Variants in IMMP2L observed in about 807,000 individuals in gnomAD.
IMMP2L encodes inner mitochondrial membrane peptidase subunit 2, also known as mitochondrial inner membrane protease subunit 2.
Under a neutral mutation model 19.3 loss-of-function variants are expected in IMMP2L, and 18 were observed. The observed-to-expected ratio is 0.93, with a 90% CI of 0.64 to 1.38. The LOEUF is 1.38. Among genes scored for constraint, IMMP2L ranks in the 40% most tolerant of loss-of-function variants. IMMP2L has a pLI of 0.00. For synonymous variants in IMMP2L, 76 were observed against 73.0 expected (o/e 1.04, Z -0.21); for missense variants, 233 against 218.2 (o/e 1.07, Z -0.43).
At chr7:111,298,062 CTT>C (rs1821818706) in intron 3 of IMMP2L, among the ~76,000 whole-genome samples, 1 of 152,016 alleles carries the variant, frequency 6.6e-6, no homozygotes, top group African/African-American at 2.4e-5. Flanking sequence ...TATATTATAA[CTT>C]AATAAAGTTG....
At chr7:110,826,190 G>A (rs960999337) in intron 5 of IMMP2L, among the ~76,000 whole-genome samples, 13 of 152,156 alleles carry the variant, frequency 8.5e-5, no homozygotes, top group Non-Finnish European at 1.5e-4. Flanking sequence ...GGAAACAACA[G>A]CTGCTGGAGA....
intron 3 of IMMP2L, among the ~76,000 whole-genome samples, chr7:111,413,734 C>T (rs920859985): frequency 1.3e-5 from 2 of 151,778 alleles, no homozygotes; most frequent in African/African-American, 4.9e-5. Flanking sequence ...CTGTCAGCTC[C>T]AAATTTACCC....
intron 3 of IMMP2L, among the ~76,000 whole-genome samples, chr7:111,344,832 G>A (rs1827373864): frequency 6.6e-6 from 1 of 152,054 alleles, no homozygotes; most frequent in Admixed American, 6.6e-5. Flanking sequence ...GGAGAATGGA[G>A]GAAAAGAAGA....
chr7:111,002,958 T>C (rs1284815302), intron 3 of IMMP2L, among the ~76,000 whole-genome samples: 3 of 152,146 alleles, frequency 2.0e-5, no homozygotes, highest in South Asian at 2.1e-4. Flanking sequence ...CCTGGGACCA[T>C]GGTAATGCTG....
At chr7:110,954,765 A>G (rs1277766369) in intron 4 of IMMP2L, among the ~76,000 whole-genome samples, 2 of 152,128 alleles carry the variant, frequency 1.3e-5, no homozygotes, top group Admixed American at 6.6e-5. Flanking sequence ...ATAAATAAAC[A>G]TGCAAGATTT....
chr7:110,773,923 T>A (rs984969639), intron 5 of IMMP2L, among the ~76,000 whole-genome samples: 11 of 143,198 alleles, frequency 7.7e-5, no homozygotes, highest in South Asian at 2.2e-4. Flanking sequence ...AAAAAAAAAA[T>A]GTTTATAAGT....
intron 3 of IMMP2L, among the ~76,000 whole-genome samples, chr7:111,452,327 A>C (rs1237146792): frequency 6.6e-6 from 1 of 152,170 alleles, no homozygotes; most frequent in Admixed American, 6.5e-5. Context: ...CCAAAGAAAC[A>C]TTGATTACAC....
rs117413296 is a variant in IMMP2L at position 111,509,214 on chromosome 7, C to T, written c.135+12099G>A. On this transcript the variant is annotated intron_variant, in intron 2 of 5. Coordinates refer to ENST00000405709, the MANE Select transcript of IMMP2L (RefSeq NM_032549.4). The stretch of plus-strand genomic sequence containing the variant: ...GTTTGTTAATGCAGATTCCAAGGTC[C>T]TCACAAAACGATTCTAATTTCATAG... Among the ~76,000 whole-genome samples the T allele has an allele frequency of 9.1e-4, 139 of 152,128 alleles. No homozygotes were observed. The East Asian group carries it at 0.023, about 25-fold the overall frequency.
At chr7:111,194,394 C>T (rs1809243153) in intron 3 of IMMP2L, among the ~76,000 whole-genome samples, 1 of 152,168 alleles carries the variant, frequency 6.6e-6, no homozygotes, top group African/African-American at 2.4e-5. Flanking sequence ...GCCTAAGGAG[C>T]AGCCTCTGAG....
chr7:110,817,491 T>C (rs977216421), intron 5 of IMMP2L, among the ~76,000 whole-genome samples: 4 of 152,242 alleles, frequency 2.6e-5, no homozygotes, highest in African/African-American at 4.8e-5. Flanking sequence ...GAACATTCCA[T>C]GCTCACGGGT....
chr7:110,803,658 T>C lies in IMMP2L; in HGVS notation c.408+82935A>G, dbSNP rs1458684476. On this transcript the variant is annotated intron_variant, in intron 5 of 5. Transcript: ENST00000405709. This position sits in a 1 kb window ranked among gnomAD's most constrained non-coding sequence, Gnocchi z 4.2. Reference sequence around the variant, plus strand: ...ATGGGGGGAGCTCCAGAAATGGGAGTGACCTTGGACCAGGCAGCTCCCTGT... The same window carrying C: ...ATGGGGGGAGCTCCAGAAATGGGAGCGACCTTGGACCAGGCAGCTCCCTGT... Among the ~76,000 whole-genome samples, 1 of 151,840 alleles carries C rather than the reference T, an allele frequency of 6.6e-6. No individual in the cohort carries two copies. Among genetic ancestry groups the C allele is most frequent in the East Asian group, 2.0e-4 (1 of 5,122 alleles).
At chr7:111,316,845 C>CTTTTTT (rs869155077) in intron 3 of IMMP2L, among the ~76,000 whole-genome samples, 55 of 75,894 alleles carry the variant, frequency 7.2e-4, no homozygotes, top group East Asian at 1.4e-3. Flanking sequence ...TTTTTTTTTT[C>CTTTTTT]TTTTTTTTTT....
At position 111,298,288 on chromosome 7, in the gene IMMP2L, T is replaced by C. The variant is rs1227432631; in HGVS notation, c.239+188950A>G. Among the ~76,000 whole-genome samples the C allele has an allele frequency of 2.0e-5, 3 of 152,210 alleles. No homozygotes were observed. In the East Asian group the frequency reaches 5.8e-4, roughly 29 times the overall value. On this transcript the variant is annotated intron_variant, in intron 3 of 5. Coordinates refer to ENST00000405709, the MANE Select transcript of IMMP2L (RefSeq NM_032549.4). ...AGCTGAAATCCTGGCTCCACACTTA[T>C]GAGTTACATACCCTTGGGCAAATTA... is the stretch of plus-strand genomic sequence containing the variant.
At chr7:111,399,560 G>A (rs779401788) in intron 3 of IMMP2L, among the ~76,000 whole-genome samples, 11 of 151,752 alleles carry the variant, frequency 7.2e-5, no homozygotes, top group Non-Finnish European at 1.5e-4. Context: ...TCATCATATT[G>A]CCCAGGCTGA....
chr7:110,852,691 T>C (rs2131539276), intron 5 of IMMP2L, among the ~76,000 whole-genome samples: 1 of 152,150 alleles, frequency 6.6e-6, no homozygotes, highest in African/African-American at 2.4e-5. Flanking sequence ...TATAAAAACG[T>C]TATTGTAAAT....
chr7:110,850,163 A>C (rs891226572), intron 5 of IMMP2L, among the ~76,000 whole-genome samples: 23 of 152,178 alleles, frequency 1.5e-4, no homozygotes, highest in African/African-American at 5.5e-4. Flanking sequence ...ATATATCAGC[A>C]ATTAGGGTAG....
intron 3 of IMMP2L, among the ~76,000 whole-genome samples, chr7:111,425,856 G>A (rs540614973): frequency 1.3e-5 from 2 of 151,024 alleles, no homozygotes; most frequent in Admixed American, 6.6e-5. Flanking sequence ...ATTAAGACTC[G>A]ATAAAAATCT....
In IMMP2L at chr7:111,512,400, C is replaced by T. The variant is rs183408834; in HGVS notation, c.135+8913G>A. 1.6e-3 allele frequency among the ~76,000 whole-genome samples: 236 copies of T among 152,088 alleles called. 2 individuals are homozygous for T. The highest frequency in any genetic ancestry group is 2.5e-3 in the Admixed American group (38 of 15,282). On this transcript the variant is annotated intron_variant, in intron 2 of 5. Transcript: ENST00000405709. ...ATTAACTTCAAACAAGCATAAGGTTCCTTTCTCAGGTGATGAAAATATTTT... is the reference window on the plus strand; with the variant it reads ...ATTAACTTCAAACAAGCATAAGGTTTCTTTCTCAGGTGATGAAAATATTTT...
intron 5 of IMMP2L, among the ~76,000 whole-genome samples, chr7:110,749,511 G>A (rs963116686): frequency 5.9e-5 from 9 of 152,126 alleles, no homozygotes; most frequent in African/African-American, 1.4e-4. Context: ...GCCCATCAAT[G>A]ATAGGCTGGA....
Sources: gnomAD v4.1 joint callset for allele counts (sites outside exome capture counted in the v4.1 genomes callset) on GRCh38, gnomAD v4.1.1 for gene constraint, Gnocchi (gnomAD v3.1) non-coding constraint, MANE v1.5 for transcripts, NCBI Gene and HGNC (gene_info 2026-07-23, HGNC 2026-07-21) for gene names.